FUT6: variants seen among roughly 807,000 people sequenced by gnomAD.
The protein encoded by FUT6 is fucosyltransferase 6.
For synonymous variants in FUT6, 187 were observed against 209.9 expected (o/e 0.89, Z 0.94); for missense variants, 454 against 494.6 (o/e 0.92, Z 0.78).
rs1182309127 is a variant in FUT6, at chr19:5,831,377, C to CTCAGGCAGGTGAAGCT, written c.*95_*110dup. The CTCAGGCAGGTGAAGCT allele has an allele frequency of 1.2e-6, 2 of 1,610,958 alleles. No homozygotes were observed. The highest frequency in any genetic ancestry group is 1.7e-6 in the Non-Finnish European group (2 of 1,179,804). The stretch of plus-strand genomic sequence containing the variant: ...GGTGACCGTCCCAGGCAGGTGAGTC[C>CTCAGGCAGGTGAAGCT]TCAGGCAGGTGAAGCTTCAGGCAAA... On this transcript the variant is annotated 3_prime_UTR_variant, in exon 3 of 3. Coordinates refer to ENST00000318336, the MANE Select transcript of FUT6 (RefSeq NM_000150.4). This position sits in a 1 kb window ranked among gnomAD's most constrained non-coding sequence, Gnocchi z 7.0.
In FUT6 at chr19:5,830,928, T is replaced by G; in HGVS notation, c.*560A>C. 3.4e-6 allele frequency: 1 copy of G among 296,266 alleles called. No individual in the cohort carries two copies. The allele number at this position is 296,266 out of a possible 1,614,324, so 18.4% of individuals were successfully genotyped here. On this transcript the variant is annotated 3_prime_UTR_variant, in exon 3 of 3. Transcript: ENST00000318336. ...CTCATCATCGGTTTTCTTTGCAGTA[T>G]TACATCTGGAAACGGTGCGGTGATT...
intron 1 of FUT6, among the ~76,000 whole-genome samples, chr19:5,835,303 A>T (rs1039428031): frequency 6.6e-6 from 1 of 152,134 alleles, no homozygotes; most frequent in Non-Finnish European, 1.5e-5. Flanking sequence ...GCAGCCCTAC[A>T]GCTGTCCATT....
At position 5,832,988 on chromosome 19, in the gene FUT6, G is replaced by A; in HGVS notation, c.-12-409C>T. The A allele has an allele frequency of 4.4e-6, 1 of 225,632 alleles. No individual in the cohort carries two copies. Among genetic ancestry groups the A allele is most frequent in the Non-Finnish European group, 8.9e-6 (1 of 112,992 alleles). 14.0% of individuals were successfully genotyped at this position (225,632 alleles called of 1,614,324 possible). On this transcript the variant is annotated intron_variant, in intron 2 of 2. Transcript: ENST00000318336. The surrounding 1 kb of genome is among the most constrained non-coding windows in gnomAD (Gnocchi z 4.3). ...GAACCCATGACTCTGCTGGGGAAGG[G>A]CACAATGGGATTGGGTTTTGGAGGT...
chr19:5,831,520 G>A lies in FUT6; in HGVS notation c.1048C>T (p.Gln350Ter). ...CWKLQEESRY[Q>*]TRGIAAWFT ...AACCAAGCCGCTATGCCGCGTGTCT[G>A]GTACCTGGATTCCTCCTGCAGTTTC... Residue 350 changes from glutamine to a stop codon, truncating the protein, a stop_gained, in exon 3 of 3, where the codon CAG becomes TAG. Transcript: ENST00000318336. LOFTEE classifies it high-confidence loss of function. This position sits in a 1 kb window ranked among gnomAD's most constrained non-coding sequence, Gnocchi z 7.0. The A allele has an allele frequency of 6.2e-7, 1 of 1,614,118 alleles. No homozygotes were observed. The highest frequency in any genetic ancestry group is 8.5e-7 in the Non-Finnish European group (1 of 1,180,038).
Position 5,831,160 on chromosome 19 carries a change from C to T in FUT6, c.*328G>A, listed in dbSNP as rs1008648548. The T allele has an allele frequency of 1.6e-5, 10 of 634,904 alleles. No individual in the cohort carries two copies. The highest frequency in any genetic ancestry group is 4.3e-4 in the Middle Eastern group (1 of 2,328). 39.3% of individuals were successfully genotyped at this position (634,904 alleles called of 1,614,324 possible). ...CCCAGCAGGTAAAGTCCCCAACAGC[C>T]GAGGTCCCCAGTAGGCAAAGTCCCC... On this transcript the variant is annotated 3_prime_UTR_variant, in exon 3 of 3. Coordinates refer to ENST00000318336, the MANE Select transcript of FUT6 (RefSeq NM_000150.4). The surrounding 1 kb of genome is among the most constrained non-coding windows in gnomAD (Gnocchi z 7.0).
At position 5,832,418 on chromosome 19, in the gene FUT6, G is replaced by A. The variant is rs762780101; in HGVS notation, c.150C>T (p.Phe50=). The A allele has an allele frequency of 1.9e-6, 3 of 1,614,012 alleles. No homozygotes were observed. In the South Asian group the frequency reaches 3.3e-5, roughly 18 times the overall value. Residue 50 remains phenylalanine (F), a synonymous_variant, in exon 3 of 3, where the codon TTC becomes TTT. Transcript: ENST00000318336. The surrounding 1 kb of genome is among the most constrained non-coding windows in gnomAD (Gnocchi z 4.3). ...GGGCGGGGGTCCCTGTGCTGTCTGG[G>A]AAGCGGGACCCATTAGGGTACACAG... ...DPTVYPNGSR[F]PDSTGTPAHS... is the part of the protein sequence containing the mutation.
Position 5,831,705 on chromosome 19 carries a change from G to C in FUT6, c.863C>G (p.Ala288Gly), listed in dbSNP as rs1435883731. ...CTGGAAGTCGTCCACGTGGATGAAG[G>C]CGTCGGGTGGCAGGAACCTCTCGTA... ...SNYERFLPPD[A>G]FIHVDDFQSP... Residue 288 changes from alanine to glycine, a missense_variant, in exon 3 of 3, where the codon GCC becomes GGC. Transcript: ENST00000318336. The surrounding 1 kb of genome is among the most constrained non-coding windows in gnomAD (Gnocchi z 7.0). 6.2e-7 allele frequency: 1 copy of C among 1,611,470 alleles called. No homozygotes were observed. Among genetic ancestry groups the C allele is most frequent in the Admixed American group, 1.7e-5 (1 of 59,870 alleles).
At position 5,830,577 on chromosome 19, in the gene FUT6, C is replaced by A. The variant is rs1246616812; in HGVS notation, c.*911G>T. On this transcript the variant is annotated 3_prime_UTR_variant, in exon 3 of 3. Transcript: ENST00000318336. ...CCACCTGGGTAGCTGGGATTACAGGCACCGGCCACCGCACCCAGCTAATTT... is the reference window on the plus strand; with the variant it reads ...CCACCTGGGTAGCTGGGATTACAGGAACCGGCCACCGCACCCAGCTAATTT... The A allele has an allele frequency of 6.7e-6, 1 of 150,262 alleles. No homozygotes were observed. Among genetic ancestry groups the A allele is most frequent in the Non-Finnish European group, 1.5e-5 (1 of 67,930 alleles). The allele number at this position is 150,262 out of a possible 1,614,324, so 9.3% of individuals were successfully genotyped here. A position where few individuals can be genotyped will look rare whatever the true frequency, so the allele number is the denominator to read the frequency against.
chr19:5,831,142 G>C lies in FUT6; in HGVS notation c.*346C>G, dbSNP rs2057084520. 3 of 619,010 alleles carry C rather than the reference G, an allele frequency of 4.8e-6. No individual in the cohort carries two copies. The highest frequency in any genetic ancestry group is 4.3e-4 in the Middle Eastern group (1 of 2,328). 38.3% of individuals were successfully genotyped at this position (619,010 alleles called of 1,614,324 possible). A position where few individuals can be genotyped will look rare whatever the true frequency, so the allele number is the denominator to read the frequency against. The stretch of plus-strand genomic sequence containing the variant: ...AGGTCTCTGGGAGCAGGTCCCAGCA[G>C]GTAAAGTCCCCAACAGCCGAGGTCC... On this transcript the variant is annotated 3_prime_UTR_variant, in exon 3 of 3. Transcript: ENST00000318336. This position sits in a 1 kb window ranked among gnomAD's most constrained non-coding sequence, Gnocchi z 7.0.
rs1277518660 is a variant in FUT6 at position 5,831,726 on chromosome 19, T to C, written c.842A>G (p.Glu281Gly). The C allele has an allele frequency of 2.5e-6, 4 of 1,611,774 alleles. No homozygotes were observed. In the Middle Eastern group the frequency reaches 7.4e-4, roughly 298 times the overall value. Residue 281 changes from glutamate (E) to glycine (G), a missense_variant, in exon 3 of 3, where the codon GAG (glutamate) becomes GGG (glycine). Physicochemically the swap from Glu to Gly is moderately conservative, Grantham distance 98. Coordinates refer to ENST00000318336, the MANE Select transcript of FUT6 (RefSeq NM_000150.4). The surrounding 1 kb of genome is among the most constrained non-coding windows in gnomAD (Gnocchi z 7.0). ...GAAGGCGTCGGGTGGCAGGAACCTC[T>C]CGTAGTTGCTTCTGCTGGGGCCCAG... Reference protein sequence around the residue: ...VVLGPSRSNYERFLPPDAFIH... With the variant: ...VVLGPSRSNYGRFLPPDAFIH...
At chr19:5,834,000 C>T (rs1255730133) in intron 2 of FUT6, among the ~76,000 whole-genome samples, 5 of 152,048 alleles carry the variant, frequency 3.3e-5, no homozygotes, top group Admixed American at 6.6e-5. Context: ...GGCATGGTGG[C>T]ACATGCCTGT....
At position 5,831,994 on chromosome 19, in the gene FUT6, C is replaced by T; in HGVS notation, c.574G>A (p.Val192Met). The part of the protein sequence containing the change: ...PLNLSAKTEL[V>M]AWAVSNWGPN... ...CCCCAGTTGGACACTGCCCAGGCCA[C>T]CAGCTCGGTCTTGGCCGAGAGGTTG... Residue 192 changes from valine (V) to methionine (M), a missense_variant, in exon 3 of 3, where the codon GTG becomes ATG. Val to Met is a conservative substitution (Grantham distance 21). Coordinates refer to ENST00000318336, the MANE Select transcript of FUT6 (RefSeq NM_000150.4). This position sits in a 1 kb window ranked among gnomAD's most constrained non-coding sequence, Gnocchi z 7.0. 1.2e-6 allele frequency: 2 copies of T among 1,613,964 alleles called. No homozygotes were observed. The highest frequency in any genetic ancestry group is 8.5e-7 in the Non-Finnish European group (1 of 1,179,970).
At position 5,831,712 on chromosome 19, in the gene FUT6, G is replaced by A; in HGVS notation, c.856C>T (p.Pro286Ser). 1 of 1,611,576 alleles carries A rather than the reference G, an allele frequency of 6.2e-7. No individual in the cohort carries two copies. The highest frequency in any genetic ancestry group is 8.5e-7 in the Non-Finnish European group (1 of 1,179,008). Residue 286 changes from proline to serine, a missense_variant, in exon 3 of 3, where the codon CCC (proline) becomes TCC (serine). Coordinates refer to ENST00000318336, the MANE Select transcript of FUT6 (RefSeq NM_000150.4). This position sits in a 1 kb window ranked among gnomAD's most constrained non-coding sequence, Gnocchi z 7.0. ...SRSNYERFLP[P>S]DAFIHVDDFQ... ...TCGTCCACGTGGATGAAGGCGTCGG[G>A]TGGCAGGAACCTCTCGTAGTTGCTT...
rs745883592 is a variant in FUT6 at position 5,832,050 on chromosome 19, G to A, written c.518C>T (p.Pro173Leu). The change falls in exon 3 of 3, where the codon CCG becomes CTG. Residue 173 changes from proline (P) to leucine (L), a missense_variant. Coordinates refer to ENST00000318336, the MANE Select transcript of FUT6 (RefSeq NM_000150.4). This position sits in a 1 kb window ranked among gnomAD's most constrained non-coding sequence, Gnocchi z 4.3. ...DIFTPYGWLE[P>L]WSGQPAHPPL... is the part of the protein sequence containing the mutation. ...TGGGTGGGCAGGCTGGCCGGACCAC[G>A]GCTCCAGCCAGCCGTAGGGCGTGAA... 3.0e-5 allele frequency: 49 copies of A among 1,613,526 alleles called. No individual in the cohort carries two copies. The highest frequency in any genetic ancestry group is 1.3e-4 in the African/African-American group (10 of 75,012).
chr19:5,838,072 T>A (rs1482532487), intron 1 of FUT6: 2 of 152,124 alleles, frequency 1.3e-5, no homozygotes, highest in Non-Finnish European at 2.9e-5. Context: ...CCCCTGGGTT[T>A]ATGGCGACCT....
chr19:5,836,318 C>T (rs549543067), intron 1 of FUT6, among the ~76,000 whole-genome samples: 3 of 151,284 alleles, frequency 2.0e-5, no homozygotes, highest in Middle Eastern at 3.5e-3. Flanking sequence ...CGGGTTCAAG[C>T]GATTCTCTTG....
In FUT6 at chr19:5,832,550, C is replaced by T. The variant is rs143668927; in HGVS notation, c.18G>A (p.Pro6=). Residue 6 remains proline (P), a synonymous_variant, in exon 3 of 3, where the codon CCG becomes CCA. Coordinates refer to ENST00000318336, the MANE Select transcript of FUT6 (RefSeq NM_000150.4). This position sits in a 1 kb window ranked among gnomAD's most constrained non-coding sequence, Gnocchi z 4.3. ...AGCGCCACGACCACTGTGGCTTGGC[C>T]GGGCCCAGGGGATCCATGGGTCAGA... The part of the protein sequence containing the change: MDPLG[P]AKPQWSWRCC... 1.8e-3 allele frequency: 2,877 copies of T among 1,613,396 alleles called. 50 individuals carry two copies. In the African/African-American group the frequency reaches 0.033, roughly 19 times the overall value.
chr19:5,832,439 C>T lies in FUT6; in HGVS notation c.129G>A (p.Val43=). 1.2e-6 allele frequency: 2 copies of T among 1,613,974 alleles called. No individual in the cohort carries two copies. Among genetic ancestry groups the T allele is most frequent in the Admixed American group, 3.3e-5 (2 of 60,012 alleles). Reference sequence around the variant, plus strand: ...CTGGGAAGCGGGACCCATTAGGGTACACAGTGGGATCGTCTTGAGACACAC... The same window carrying T: ...CTGGGAAGCGGGACCCATTAGGGTATACAGTGGGATCGTCTTGAGACACAC... ...YLRVSQDDPT[V]YPNGSRFPDS... The change falls in exon 3 of 3, where the codon GTG becomes GTA. Residue 43 remains valine (V), a synonymous_variant. Coordinates refer to ENST00000318336, the MANE Select transcript of FUT6 (RefSeq NM_000150.4). The surrounding 1 kb of genome is among the most constrained non-coding windows in gnomAD (Gnocchi z 4.3).
chr19:5,835,625 T>G (rs561530678), intron 1 of FUT6, among the ~76,000 whole-genome samples: 5 of 151,902 alleles, frequency 3.3e-5, no homozygotes, highest in Admixed American at 3.3e-4. Context: ...ATACAAAAAT[T>G]AGTCAGGTAT....
Sources: allele counts gnomAD v4.1 joint callset (sites outside exome capture counted in the v4.1 genomes callset), GRCh38; gene constraint gnomAD v4.1.1; non-coding constraint Gnocchi (gnomAD v3.1); transcripts MANE v1.5; gene names NCBI Gene and HGNC (gene_info 2026-07-23, HGNC 2026-07-21).